Variants in MACF1 observed in about 807,000 individuals in gnomAD.
MACF1 encodes the protein microtubule-actin cross-linking factor 1.
Under a neutral mutation model 854.8 loss-of-function variants are expected in MACF1, and 193 were observed. That is an observed-to-expected ratio of 0.23 (90% confidence interval 0.20 to 0.25). The LOEUF is 0.25. Among genes scored for constraint, MACF1 ranks in the 10% least tolerant of loss-of-function variants. The probability of loss-of-function intolerance (pLI) is 1.00; values close to 1 mark genes in which losing one functional copy is unlikely to be tolerated. For missense variants in MACF1, 7,722 were observed against 8,929.1 expected (o/e 0.86, Z 5.45); for synonymous variants, 3,185 against 3,226.7 (o/e 0.99, Z 0.44).
intron 16 of MACF1, 101 bp downstream of exon 16, chr1:39,292,139 G>T: frequency 7.4e-7 from 1 of 1,352,762 alleles, no homozygotes; most frequent in Non-Finnish European, 1.0e-6. Flanking sequence ...AGGGTGCTCT[G>T]GAAAAGAATA....
chr1:39,444,004 AT>A (rs1344464283), intron 79 of MACF1, among the ~76,000 whole-genome samples: 1 of 152,204 alleles, frequency 6.6e-6, no homozygotes, highest in African/African-American at 2.4e-5. Context: ...GGGGAAATAG[AT>A]TATTGGAGTC....
chr1:39,263,350 T>C (rs1645187274), intron 6 of MACF1, among the ~76,000 whole-genome samples: 1 of 152,236 alleles, frequency 6.6e-6, no homozygotes, highest in Non-Finnish European at 1.5e-5. Context: ...GTTTATGGTT[T>C]CTAAAATGCT....
At chr1:39,109,956 T>G (rs940943644) in intron 2 of MACF1, among the ~76,000 whole-genome samples, 2 of 152,202 alleles carry the variant, frequency 1.3e-5, no homozygotes, top group Non-Finnish European at 2.9e-5. Context: ...TGTGGAGAAT[T>G]TCTTTTCCCC....
chr1:39,269,475 C>T (rs1266699678), intron 6 of MACF1: 3 of 1,289,796 alleles, frequency 2.3e-6, no homozygotes, highest in Admixed American at 2.3e-5. Context: ...ACGCACGGAG[C>T]CTTCCCATGT....
chr1:39,415,224 G>A (rs1643243939), intron 58 of MACF1, among the ~76,000 whole-genome samples: 1 of 152,082 alleles, frequency 6.6e-6, no homozygotes, highest in African/African-American at 2.4e-5. Context: ...AACTGCCTTT[G>A]TGTCCTTAAG....
intron 6 of MACF1, among the ~76,000 whole-genome samples, chr1:39,259,241 ACT>A (rs1406660054): frequency 1.3e-5 from 2 of 152,098 alleles, no homozygotes; most frequent in African/African-American, 4.8e-5. Context: ...GAATTTATTC[ACT>A]GTCTCTATTC....
At chr1:39,102,122 A>C (rs1302856363) in intron 2 of MACF1, among the ~76,000 whole-genome samples, 2 of 151,860 alleles carry the variant, frequency 1.3e-5, no homozygotes, top group Admixed American at 1.3e-4. Context: ...GCCTGCAGTA[A>C]GCCGAGATCG....
chr1:39,375,371 G>A (rs1468727441), intron 52 of MACF1, among the ~76,000 whole-genome samples: 22 of 151,296 alleles, frequency 1.5e-4, no homozygotes, highest in African/African-American at 2.4e-4. Flanking sequence ...GCACGATCTC[G>A]GCTCACTGCA....
At chr1:39,481,746 G>A (rs983266216) in intron 99 of MACF1, among the ~76,000 whole-genome samples, 5 of 152,206 alleles carry the variant, frequency 3.3e-5, no homozygotes, top group Non-Finnish European at 7.3e-5. Flanking sequence ...TGATAGTAGT[G>A]CAGTTTGCAT....
chr1:39,186,214 CTGTG>C lies in MACF1; in HGVS notation c.221-44938_221-44935del, dbSNP rs200739487. ...TCTCTCTCTCTCTCTCTCTCTCTCTCTGTGTGTGTGTGTGTGTGTGTGTGTGTGT... is the reference window on the plus strand; with the variant it reads ...TCTCTCTCTCTCTCTCTCTCTCTCTCTGTGTGTGTGTGTGTGTGTGTGTGT... On this transcript the variant is annotated intron_variant, in intron 2 of 93. Coordinates refer to the MACF1 transcript ENST00000361689. 9.1e-3 allele frequency among the ~76,000 whole-genome samples: 523 copies of C among 57,392 alleles called. 1 individual carries two copies. Among genetic ancestry groups the C allele is most frequent in the East Asian group, 0.034 (60 of 1,746 alleles). 37.7% of individuals were successfully genotyped at this position (57,392 alleles called of 152,430 possible).
chr1:39,356,136 A>G (rs1427871344), intron 44 of MACF1, among the ~76,000 whole-genome samples: 8 of 152,166 alleles, frequency 5.3e-5, no homozygotes, highest in African/African-American at 1.2e-4. Context: ...ACATCCCAAT[A>G]TATGTTTCAA....
At chr1:39,111,616 C>G (rs1224830280) in intron 2 of MACF1, among the ~76,000 whole-genome samples, 2 of 152,078 alleles carry the variant, frequency 1.3e-5, no homozygotes, top group South Asian at 2.1e-4. Context: ...CTTCTGACCT[C>G]GTGATCTGCC....
chr1:39,435,390 G>GAC (rs1643952143), intron 69 of MACF1, among the ~76,000 whole-genome samples, 168 bp from the exon 70 acceptor site: 1 of 152,216 alleles, frequency 6.6e-6, no homozygotes, highest in Non-Finnish European at 1.5e-5. Flanking sequence ...CAGAACCTAA[G>GAC]ACTTAGGTGT....
chr1:39,252,762 C>G (rs964515531), intron 4 of MACF1, among the ~76,000 whole-genome samples: 1 of 152,164 alleles, frequency 6.6e-6, no homozygotes, highest in Admixed American at 6.5e-5. Context: ...AGAAAAGGTT[C>G]TTGCTAAAAA....
At chr1:39,421,616 T>G (rs996568353) in intron 58 of MACF1, among the ~76,000 whole-genome samples, 3 of 152,204 alleles carry the variant, frequency 2.0e-5, no homozygotes, top group Non-Finnish European at 4.4e-5. Flanking sequence ...AGAGCATTTC[T>G]TATTAGTGGT....
At chr1:39,369,204 C>G (rs767952600) in intron 50 of MACF1, among the ~76,000 whole-genome samples, 10 of 151,948 alleles carry the variant, frequency 6.6e-5, no homozygotes, top group Non-Finnish European at 1.2e-4. Context: ...TCTTTCAAGG[C>G]AAACAAGGGA....
intron 79 of MACF1, 106 bp downstream of exon 79, chr1:39,443,680 C>A: frequency 1.6e-6 from 2 of 1,234,950 alleles, no homozygotes; most frequent in Non-Finnish European, 2.2e-6. Context: ...CAAAGTAGTG[C>A]ATTTTTATCA....
chr1:39,415,827 G>A (rs1406973286), intron 58 of MACF1, among the ~76,000 whole-genome samples: 4 of 152,266 alleles, frequency 2.6e-5, no homozygotes, highest in South Asian at 2.1e-4. Context: ...AGGAGTTAGA[G>A]GTTTAATCTG....
chr1:39,277,072 A>T (rs1218384528), intron 6 of MACF1, among the ~76,000 whole-genome samples: 6 of 151,600 alleles, frequency 4.0e-5, no homozygotes, highest in South Asian at 4.2e-4. Flanking sequence ...TAACATTAAA[A>T]TTTTTTTTTG....
Sources: gnomAD v4.1 joint callset for allele counts (sites outside exome capture counted in the v4.1 genomes callset) on GRCh38, gnomAD v4.1.1 for gene constraint, MANE v1.5 for transcripts, NCBI Gene and HGNC (gene_info 2026-07-23, HGNC 2026-07-21) for gene names.